The following CAT variants were observed in gnomAD, a reference collection of about 807,000 sequenced individuals.
The protein encoded by CAT is catalase.
A neutral mutation model predicts 59.0 loss-of-function variants in CAT; 43 were observed. That is an observed-to-expected ratio of 0.73 (90% confidence interval 0.57 to 0.94). The LOEUF (loss-of-function observed/expected upper bound fraction) is 0.94, where lower values mean the gene tolerates loss of function less well. Ranked by LOEUF, CAT falls within the 40% of genes least tolerant of loss-of-function variation. CAT has a pLI of 0.00. For missense variants in CAT, 664 were observed against 682.9 expected (o/e 0.97, Z 0.31); for synonymous variants, 218 against 230.9 (o/e 0.94, Z 0.51).
chr11:34,453,308 G>A, intron 5 of CAT, 114 bp downstream of exon 5: 2 of 775,134 alleles, frequency 2.6e-6, no homozygotes, highest in South Asian at 2.7e-5. Flanking sequence ...AGCTTCCTCA[G>A]ATTTCTTGAT....
chr11:34,457,274 A>G (rs1456814356), intron 8 of CAT, among the ~76,000 whole-genome samples: 2 of 126,518 alleles, frequency 1.6e-5, no homozygotes, highest in Non-Finnish European at 3.1e-5. Context: ...GTGCAGTGGC[A>G]TGATCTCGGC....
Position 34,471,532 on chromosome 11 carries a change from A to G in CAT, c.*99A>G. Reference sequence around the variant, plus strand: ...CTCCTGTGCTAGATGTGCAAATGCAAGCTAGTGGCTTCAAAATAGAGAATC... The same window carrying G: ...CTCCTGTGCTAGATGTGCAAATGCAGGCTAGTGGCTTCAAAATAGAGAATC... On this transcript the variant is annotated 3_prime_UTR_variant, in exon 13 of 13. Coordinates refer to ENST00000241052, the MANE Select transcript of CAT (RefSeq NM_001752.4). 1.0e-6 allele frequency: 1 copy of G among 979,028 alleles called. No individual in the cohort carries two copies. Among genetic ancestry groups the G allele is most frequent in the Non-Finnish European group, 1.7e-6 (1 of 602,278 alleles). The allele number at this position is 979,028 out of a possible 1,614,324, so 60.6% of individuals were successfully genotyped here. A position where few individuals can be genotyped will look rare whatever the true frequency, so the allele number is the denominator to read the frequency against.
chr11:34,443,584 T>A (rs1026170249), intron 1 of CAT, among the ~76,000 whole-genome samples: 4 of 150,284 alleles, frequency 2.7e-5, no homozygotes, highest in Non-Finnish European at 5.9e-5. Flanking sequence ...TTTTTTTTTT[T>A]AAGTGCAGCT....
rs371015721 is a variant in CAT at position 34,439,094 on chromosome 11, C to T, written c.66+15C>T. ...GGGCCGCGCAGGTACACTCTGTGCT[C>T]CCCGAGCGGGCCCGAAGGTCCGTTT... On this transcript the variant is annotated intron_variant, in intron 1 of 12. Coordinates refer to ENST00000241052, the MANE Select transcript of CAT (RefSeq NM_001752.4). 2,142 of 1,575,440 alleles carry T rather than the reference C, an allele frequency of 1.4e-3. 4 individuals are homozygous for T. Among genetic ancestry groups the T allele is most frequent in the Non-Finnish European group, 1.7e-3 (1,980 of 1,160,262 alleles).
intron 8 of CAT, among the ~76,000 whole-genome samples, chr11:34,459,651 C>G (rs1856627625): frequency 6.6e-6 from 1 of 152,204 alleles, no homozygotes; most frequent in Non-Finnish European, 1.5e-5. Flanking sequence ...GGCCTAGATT[C>G]AAGCTGGTGT....
At position 34,468,338 on chromosome 11, in the gene CAT, G is replaced by A. The variant is rs1411923337; in HGVS notation, c.1377G>A (p.Leu459=). 6.2e-7 allele frequency: 1 copy of A among 1,613,998 alleles called. No individual in the cohort carries two copies. Among genetic ancestry groups the A allele is most frequent in the African/African-American group, 1.3e-5 (1 of 74,918 alleles). The change falls in exon 11 of 13, where the codon CTG becomes CTA. Residue 459 remains leucine (L), a synonymous_variant. Transcript: ENST00000241052. The part of the protein sequence containing the change: ...NVLNEEQRKR[L]CENIAGHLKD... The stretch of plus-strand genomic sequence containing the variant: ...TGAATGAGGAACAGAGGAAACGTCT[G>A]TGTGAGAACATTGCCGGCCACCTGA...
rs755700704 is a variant in CAT, at chr11:34,438,996, C to T, written c.-18C>T. On this transcript the variant is annotated 5_prime_UTR_variant, in exon 1 of 13. Coordinates refer to ENST00000241052, the MANE Select transcript of CAT (RefSeq NM_001752.4). ...AGCCGAGGCCTCCTGCAGTGTTCTGCACAGCAAACCGCACGCTATGGCTGA... is the reference window on the plus strand; with the variant it reads ...AGCCGAGGCCTCCTGCAGTGTTCTGTACAGCAAACCGCACGCTATGGCTGA... 9 of 1,580,266 alleles carry T rather than the reference C, an allele frequency of 5.7e-6. No homozygotes were observed. In the African/African-American group the frequency reaches 1.2e-4, roughly 21 times the overall value.
rs1856741840 is a variant in CAT, at chr11:34,468,329, G to C, written c.1368G>C (p.Arg456Ser). ...TGAACGTGCTGAATGAGGAACAGAG[G>C]AAACGTCTGTGTGAGAACATTGCCG... Reference protein sequence around the residue: ...FYVNVLNEEQRKRLCENIAGH... With the variant: ...FYVNVLNEEQSKRLCENIAGH... Residue 456 changes from arginine (R) to serine (S), a missense_variant, in exon 11 of 13, where the codon AGG becomes AGC. Transcript: ENST00000241052. 1 of 1,614,018 alleles carries C rather than the reference G, an allele frequency of 6.2e-7. No homozygotes were observed. The highest frequency in any genetic ancestry group is 8.5e-7 in the Non-Finnish European group (1 of 1,180,018).
intron 1 of CAT, among the ~76,000 whole-genome samples, chr11:34,439,356 T>C (rs1590296217): frequency 1.3e-5 from 2 of 151,850 alleles, no homozygotes; most frequent in Admixed American, 6.6e-5. Context: ...GGGACAGAGG[T>C]CGCAGCTTGA....
intron 4 of CAT, 119 bp from the exon 5 acceptor site, chr11:34,452,971 T>G (rs17268652): frequency 0.041 from 29,777 of 727,166 alleles, 808 homozygotes; most frequent in Non-Finnish European, 0.059. Context: ...CAGTTTAAAA[T>G]TCTAGGATTG....
chr11:34,460,428 G>T (rs1399785554), intron 8 of CAT, among the ~76,000 whole-genome samples: 1 of 149,040 alleles, frequency 6.7e-6, no homozygotes, highest in Non-Finnish European at 1.5e-5. Context: ...TCAGAAGGCA[G>T]CATGGGAGTG....
intron 8 of CAT, among the ~76,000 whole-genome samples, chr11:34,457,589 C>T (rs186575220): frequency 2.8e-4 from 42 of 152,284 alleles, no homozygotes; most frequent in Admixed American, 5.9e-4. Context: ...TACATGTATG[C>T]TGCCAGTGAT....
At chr11:34,451,387 A>T (rs968295325) in intron 3 of CAT, among the ~76,000 whole-genome samples, 1 of 152,218 alleles carries the variant, frequency 6.6e-6, no homozygotes, top group African/African-American at 2.4e-5. Context: ...AATAGAGTGG[A>T]AATCTTATTT....
rs772683252 is a variant in CAT, at chr11:34,456,177, C to T, written c.878C>T (p.Pro293Leu). Residue 293 changes from proline (P) to leucine (L), a missense_variant, in exon 7 of 13, where the codon CCA becomes CTA. Pro to Leu is a moderately conservative substitution (Grantham distance 98, BLOSUM62 -3). Transcript: ENST00000241052. Reference protein sequence around the residue: ...VMTFNQAETFPFNPFDLTKVW... With the variant: ...VMTFNQAETFLFNPFDLTKVW... ...ACATTTAATCAGGCAGAAACTTTTC[C>T]ATTTAATCCATTCGATCTCACCAAG... is the stretch of plus-strand genomic sequence containing the variant. 2 of 1,613,736 alleles carry T rather than the reference C, an allele frequency of 1.2e-6. No individual in the cohort carries two copies. Among genetic ancestry groups the T allele is most frequent in the Non-Finnish European group, 1.7e-6 (2 of 1,179,856 alleles).
intron 1 of CAT, among the ~76,000 whole-genome samples, chr11:34,441,609 C>T (rs1171748614): frequency 6.6e-6 from 1 of 152,014 alleles, no homozygotes; most frequent in East Asian, 1.9e-4. Context: ...GCCTAAGCAA[C>T]ATGGTGAAAA....
chr11:34,451,802 T>G (rs986925244), intron 3 of CAT, among the ~76,000 whole-genome samples: 1 of 152,244 alleles, frequency 6.6e-6, no homozygotes, highest in Non-Finnish European at 1.5e-5. Flanking sequence ...AAAGTTCAAT[T>G]ACCTGTTTGA....
At chr11:34,441,759 A>C (rs1444190472) in intron 1 of CAT, among the ~76,000 whole-genome samples, 1 of 152,206 alleles carries the variant, frequency 6.6e-6, no homozygotes, top group Non-Finnish European at 1.5e-5. Context: ...ACATGACTGC[A>C]CTCTAGCCTG....
chr11:34,439,168 C>G (rs1237196594), intron 1 of CAT, 89 bp downstream of exon 1: 2 of 1,218,158 alleles, frequency 1.6e-6, no homozygotes, highest in Non-Finnish European at 2.4e-6. Flanking sequence ...CCCGGGGCGG[C>G]GCTTGGAGGG....
At chr11:34,446,554 T>C (rs1327654447) in intron 1 of CAT, among the ~76,000 whole-genome samples, 2 of 152,200 alleles carry the variant, frequency 1.3e-5, no homozygotes, top group Non-Finnish European at 2.9e-5. Flanking sequence ...TGGTATTTAT[T>C]CTTGACCATA....
Sources: gnomAD v4.1 joint callset for allele counts (sites outside exome capture counted in the v4.1 genomes callset) on GRCh38, gnomAD v4.1.1 for gene constraint, MANE v1.5 for transcripts, NCBI Gene and HGNC (gene_info 2026-07-23, HGNC 2026-07-21) for gene names.